The following CACNA2D2 variants were observed in gnomAD, a reference collection of about 807,000 sequenced individuals.
CACNA2D2 encodes the protein calcium voltage-gated channel auxiliary subunit alpha2delta 2.
Under a neutral mutation model 166.4 loss-of-function variants are expected in CACNA2D2, and 48 were observed. That is an observed-to-expected ratio of 0.29 (90% CI 0.23 to 0.37). CACNA2D2 has a LOEUF of 0.37. Ranked by LOEUF, CACNA2D2 falls within the 10% of genes least tolerant of loss-of-function variation. The pLI is 1.00. For synonymous variants in CACNA2D2, 561 were observed against 573.7 expected (o/e 0.98, Z 0.32); for missense variants, 1,122 against 1,433.0 (o/e 0.78, Z 3.50).
chr3:50,426,741 C>A (rs531006413), intron 3 of CACNA2D2, among the ~76,000 whole-genome samples: 15 of 152,232 alleles, frequency 9.9e-5, no homozygotes, highest in South Asian at 4.1e-4. Flanking sequence ...GGGCCTGCTC[C>A]ACGGAGCAGT....
intron 2 of CACNA2D2, among the ~76,000 whole-genome samples, chr3:50,435,875 G>C (rs1486781280): frequency 1.3e-5 from 2 of 152,236 alleles, no homozygotes; most frequent in East Asian, 3.9e-4. Flanking sequence ...CGAGACTTGA[G>C]GCCTGGCCAC....
At chr3:50,449,267 C>T (rs1232567661) in intron 2 of CACNA2D2, among the ~76,000 whole-genome samples, 2 of 152,222 alleles carry the variant, frequency 1.3e-5, no homozygotes, top group African/African-American at 4.8e-5. Flanking sequence ...GACCTAGGAC[C>T]TCACCATGAG....
Position 50,379,861 on chromosome 3 carries a change from G to T in CACNA2D2, c.894-37C>A, listed in dbSNP as rs774245433. The T allele has an allele frequency of 5.0e-6, 8 of 1,610,650 alleles. No individual in the cohort carries two copies. On this transcript the variant is annotated intron_variant, in intron 9 of 37. Transcript: ENST00000424201. The surrounding 1 kb of genome is among the most constrained non-coding windows in gnomAD (Gnocchi z 6.5). ...AGGCAGGGGACGTGGAGGAGCCAGG[G>T]GAACCTCACGTGTTCTCCTGCCCAT...
chr3:50,363,305 C>T lies in CACNA2D2; in HGVS notation c.*1361G>A, dbSNP rs754582465. 41 of 397,990 alleles carry T rather than the reference C, an allele frequency of 1.0e-4. No individual in the cohort carries two copies. Among genetic ancestry groups the T allele is most frequent in the Non-Finnish European group, 1.6e-4 (37 of 226,078 alleles). 24.7% of individuals were successfully genotyped at this position (397,990 alleles called of 1,614,324 possible). A position where few individuals can be genotyped will look rare whatever the true frequency, so the allele number is the denominator to read the frequency against. ...CGACAAGCAACATGACATTAATTAA[C>T]GAAGCCATTAATTAATGCATCACCC... On this transcript the variant is annotated 3_prime_UTR_variant, in exon 38 of 38. Transcript: ENST00000424201.
At chr3:50,402,911 G>A (rs1706512476) in intron 3 of CACNA2D2, among the ~76,000 whole-genome samples, 1 of 151,988 alleles carries the variant, frequency 6.6e-6, no homozygotes. Context: ...CTCTGGCTAG[G>A]GGAGCAGGGA....
chr3:50,489,980 C>A (rs1304954800), intron 1 of CACNA2D2, among the ~76,000 whole-genome samples: 2 of 152,202 alleles, frequency 1.3e-5, no homozygotes, highest in Non-Finnish European at 2.9e-5. Context: ...CCCTTGGAGA[C>A]CCCAGAGCCC....
At position 50,374,810 on chromosome 3, in the gene CACNA2D2, C is replaced by T. The variant is rs1248999328; in HGVS notation, c.1911G>A (p.Leu637=). ...WVPIRSTNYS[L]GLVLPPYSTF... is the part of the protein sequence containing the mutation. Reference sequence around the variant, plus strand: ...TGCTGTAGGGTGGGAGCACCAGCCCCAGGCTGAGGGGGGAGAAGCTCGGGT... The same window carrying T: ...TGCTGTAGGGTGGGAGCACCAGCCCTAGGCTGAGGGGGGAGAAGCTCGGGT... Residue 637 remains leucine (L), a synonymous_variant, in exon 22 of 38, where the codon CTG becomes CTA. Transcript: ENST00000424201. The T allele has an allele frequency of 3.3e-5, 53 of 1,589,474 alleles. No homozygotes were observed. Among genetic ancestry groups the T allele is most frequent in the Non-Finnish European group, 4.3e-5 (50 of 1,168,894 alleles).
At chr3:50,429,882 C>A (rs149879736) in intron 3 of CACNA2D2, among the ~76,000 whole-genome samples, 1 of 152,086 alleles carries the variant, frequency 6.6e-6, no homozygotes, top group African/African-American at 2.4e-5. Flanking sequence ...GAATCTGATG[C>A]GCTTGATCTG....
chr3:50,439,429 C>T (rs1431164710), intron 2 of CACNA2D2, among the ~76,000 whole-genome samples: 5 of 152,250 alleles, frequency 3.3e-5, no homozygotes, highest in African/African-American at 1.2e-4. Context: ...AAAGATTTGA[C>T]GCAGGCTTGG....
In CACNA2D2 at chr3:50,503,620, G is replaced by A. The variant is rs1699083138; in HGVS notation, c.-197C>T. The A allele has an allele frequency of 1.2e-5, 2 of 162,686 alleles. No individual in the cohort carries two copies. Among genetic ancestry groups the A allele is most frequent in the Admixed American group, 6.4e-5 (1 of 15,596 alleles). 10.1% of individuals were successfully genotyped at this position (162,686 alleles called of 1,614,324 possible). Reference sequence around the variant, plus strand: ...CGCGCTGCTATCTCCCTGCAGCGCTGGCTCCAAGCGCTCTGAGCGCCCGGC... The same window carrying A: ...CGCGCTGCTATCTCCCTGCAGCGCTAGCTCCAAGCGCTCTGAGCGCCCGGC... On this transcript the variant is annotated 5_prime_UTR_variant, in exon 1 of 38. Coordinates refer to ENST00000424201, the MANE Select transcript of CACNA2D2 (RefSeq NM_006030.4).
rs143724287 is a variant in CACNA2D2 at position 50,441,150 on chromosome 3, G to C, written c.289-6721C>G. 3.3e-5 allele frequency among the ~76,000 whole-genome samples: 5 copies of C among 152,172 alleles called. No homozygotes were observed. The East Asian group carries it at 9.7e-4, about 29-fold the overall frequency. On this transcript the variant is annotated intron_variant, in intron 2 of 37. Coordinates refer to ENST00000424201, the MANE Select transcript of CACNA2D2 (RefSeq NM_006030.4). ...GGGATCCTCCAGGAAGGAGGGACAT[G>C]TGACTGACCACAAGGTGAGAAAGGC...
chr3:50,458,611 G>A (rs1709467726), intron 2 of CACNA2D2, among the ~76,000 whole-genome samples: 1 of 152,242 alleles, frequency 6.6e-6, no homozygotes, highest in Non-Finnish European at 1.5e-5. Context: ...CAAGAGAAGT[G>A]AAAGCAATGG....
chr3:50,451,503 C>T (rs1422499131), intron 2 of CACNA2D2, among the ~76,000 whole-genome samples: 1 of 152,038 alleles, frequency 6.6e-6, no homozygotes, highest in Non-Finnish European at 1.5e-5. Context: ...AGTTCAGGCC[C>T]CTGAACCCAG....
chr3:50,433,692 G>A (rs570218083), intron 3 of CACNA2D2, among the ~76,000 whole-genome samples: 1 of 152,300 alleles, frequency 6.6e-6, no homozygotes, highest in East Asian at 1.9e-4. Context: ...TGGGCTGAGT[G>A]TCAGGGGTCT....
At chr3:50,466,257 AGTGTGTGTGTGCGCATGTGTGTGTGT>A (rs1217008875) in intron 2 of CACNA2D2, among the ~76,000 whole-genome samples, 2 of 149,150 alleles carry the variant, frequency 1.3e-5, no homozygotes, top group East Asian at 4.3e-4. Flanking sequence ...GCATGGGGGA[AGTGTGTGTGTGCGCATGTGTGTGTGT>A]GTGTGTGTGT....
chr3:50,426,820 C>T (rs1472222166), intron 3 of CACNA2D2, among the ~76,000 whole-genome samples: 2 of 152,146 alleles, frequency 1.3e-5, no homozygotes, highest in Admixed American at 6.5e-5. Flanking sequence ...CAGGCTGGGC[C>T]AGGCCCTTGT....
chr3:50,501,013 G>T (rs1444187506), intron 1 of CACNA2D2, among the ~76,000 whole-genome samples: 1 of 152,260 alleles, frequency 6.6e-6, no homozygotes, highest in South Asian at 2.1e-4. Context: ...CTTCCCCACT[G>T]AGGGGTTGTC....
At chr3:50,371,027 T>C (rs925553803) in intron 22 of CACNA2D2, among the ~76,000 whole-genome samples, 4 of 151,946 alleles carry the variant, frequency 2.6e-5, no homozygotes, top group Non-Finnish European at 5.9e-5. Context: ...TGCAGTGCAT[T>C]GTCGGGGCTG....
chr3:50,450,114 G>C (rs944317076), intron 2 of CACNA2D2, among the ~76,000 whole-genome samples: 1 of 152,208 alleles, frequency 6.6e-6, no homozygotes, highest in Non-Finnish European at 1.5e-5. Flanking sequence ...TGGAGACTTA[G>C]GCCAACCTGA....
Sources: gnomAD v4.1 joint callset for allele counts (sites outside exome capture counted in the v4.1 genomes callset) on GRCh38, gnomAD v4.1.1 for gene constraint, Gnocchi (gnomAD v3.1) non-coding constraint, MANE v1.5 for transcripts, NCBI Gene and HGNC (gene_info 2026-07-23, HGNC 2026-07-21) for gene names.